SGCZ: variants seen among roughly 807,000 people sequenced by gnomAD.
The protein encoded by SGCZ is sarcoglycan zeta.
A neutral mutation model predicts 41.3 loss-of-function variants in SGCZ; 40 were observed. The observed-to-expected ratio is 0.97, with a 90% CI of 0.75 to 1.26. The LOEUF (loss-of-function observed/expected upper bound fraction) is 1.26. Ranked by LOEUF, SGCZ falls within the 50% of genes most tolerant of loss-of-function variation. The pLI is 0.00. For missense variants in SGCZ, 552 were observed against 369.8 expected, an observed-to-expected ratio of 1.49 and a Z score of -4.04; for synonymous variants, 206 against 137.5, an observed-to-expected ratio of 1.50 and a Z score of -3.49.
chr8:15,044,298 T>G (rs1804221430), intron 1 of SGCZ, among the ~76,000 whole-genome samples: 1 of 152,126 alleles, frequency 6.6e-6, no homozygotes, highest in South Asian at 2.1e-4. Flanking sequence ...TCAACCCTTC[T>G]TTTTCTGCCC....
intron 1 of SGCZ, among the ~76,000 whole-genome samples, chr8:14,954,068 T>G (rs1800724065): frequency 6.6e-6 from 1 of 152,234 alleles, no homozygotes; most frequent in Non-Finnish European, 1.5e-5. Flanking sequence ...AGTATGCTCT[T>G]GAAATGCTAC....
intron 3 of SGCZ, among the ~76,000 whole-genome samples, chr8:14,273,340 G>A (rs906660019): frequency 6.6e-6 from 1 of 152,016 alleles, no homozygotes; most frequent in Admixed American, 6.6e-5. Context: ...TTATCATCCA[G>A]CAAAATGTGT....
At chr8:14,755,758 T>A (rs1362648516) in intron 1 of SGCZ, among the ~76,000 whole-genome samples, 1 of 152,106 alleles carries the variant, frequency 6.6e-6, no homozygotes, top group African/African-American at 2.4e-5. Context: ...ATAACTGTGA[T>A]GAATGCTTTA....
At chr8:14,851,850 T>C (rs1490608761) in intron 1 of SGCZ, among the ~76,000 whole-genome samples, 1 of 152,128 alleles carries the variant, frequency 6.6e-6, no homozygotes, top group African/African-American at 2.4e-5. Context: ...TTTCATGACT[T>C]TTCCTCCGAG....
intron 1 of SGCZ, among the ~76,000 whole-genome samples, chr8:15,014,694 A>C (rs1274718441): frequency 6.6e-6 from 1 of 152,198 alleles, no homozygotes. Context: ...CCTTCAGTGC[A>C]CACTAATCAC....
At chr8:15,036,415 T>C (rs924435166) in intron 1 of SGCZ, among the ~76,000 whole-genome samples, 8 of 151,102 alleles carry the variant, frequency 5.3e-5, no homozygotes, top group Non-Finnish European at 8.9e-5. Context: ...GGGTATAGAG[T>C]TGGAGGAGGG....
chr8:14,283,206 A>T (rs143626537), intron 3 of SGCZ, among the ~76,000 whole-genome samples: 53 of 152,222 alleles, frequency 3.5e-4, no homozygotes, highest in African/African-American at 1.2e-3. Context: ...AAAAAATACC[A>T]ATCTTAAATG....
intron 1 of SGCZ, among the ~76,000 whole-genome samples, chr8:14,968,983 G>A (rs1801207439): frequency 6.6e-6 from 1 of 151,986 alleles, no homozygotes; most frequent in Non-Finnish European, 1.5e-5. Flanking sequence ...TCTTTACATA[G>A]TCAGTATCAG....
chr8:15,012,784 T>C (rs544466181), intron 1 of SGCZ, among the ~76,000 whole-genome samples: 3 of 149,272 alleles, frequency 2.0e-5, no homozygotes, highest in African/African-American at 2.4e-5. Context: ...TATATATTTA[T>C]TTATGTGTGT....
chr8:14,250,378 C>T (rs114809720), intron 3 of SGCZ, among the ~76,000 whole-genome samples: 3 of 152,000 alleles, frequency 2.0e-5, no homozygotes, highest in African/African-American at 4.8e-5. Flanking sequence ...AAAAATGTGT[C>T]GAAATTTTTT....
At chr8:14,373,870 C>A (rs980259563) in intron 2 of SGCZ, among the ~76,000 whole-genome samples, 6 of 152,118 alleles carry the variant, frequency 3.9e-5, no homozygotes, top group Non-Finnish European at 7.3e-5. Flanking sequence ...GAAATAGCCA[C>A]ACCTGGACTT....
At chr8:14,290,534 T>A (rs193100872) in intron 3 of SGCZ, among the ~76,000 whole-genome samples, 148 of 152,038 alleles carry the variant, frequency 9.7e-4, no homozygotes, top group African/African-American at 3.3e-3. Context: ...AAAACCTGAA[T>A]AGACATTTCT....
intron 1 of SGCZ, among the ~76,000 whole-genome samples, chr8:14,614,974 G>A (rs963188214): frequency 3.4e-5 from 5 of 146,044 alleles, no homozygotes; most frequent in Non-Finnish European, 7.5e-5. Context: ...ATATACACAT[G>A]TACACACATA....
intron 1 of SGCZ, among the ~76,000 whole-genome samples, chr8:14,605,474 C>T (rs893584846): frequency 1.3e-5 from 2 of 152,062 alleles, no homozygotes; most frequent in Admixed American, 1.3e-4. Flanking sequence ...TATAGCCACC[C>T]TGTTATGCTA....
intron 1 of SGCZ, among the ~76,000 whole-genome samples, chr8:15,023,030 T>A (rs1432915642): frequency 6.6e-6 from 1 of 152,174 alleles, no homozygotes; most frequent in African/African-American, 2.4e-5. Context: ...TTCATCCTTT[T>A]GTCTGATTAG....
chr8:14,616,486 A>C (rs1806111022), intron 1 of SGCZ, among the ~76,000 whole-genome samples: 1 of 152,124 alleles, frequency 6.6e-6, no homozygotes, highest in African/African-American at 2.4e-5. Context: ...TTATTTTTTA[A>C]CCTAAAAAAC....
chr8:14,235,742 T>C (rs1010625919), intron 4 of SGCZ, among the ~76,000 whole-genome samples: 2 of 152,186 alleles, frequency 1.3e-5, no homozygotes, highest in African/African-American at 2.4e-5. Context: ...TGGAGTGCAG[T>C]GGCCCAATCT....
intron 1 of SGCZ, among the ~76,000 whole-genome samples, chr8:14,909,221 T>A (rs563207660): frequency 3.2e-4 from 48 of 152,326 alleles, no homozygotes; most frequent in Non-Finnish European, 4.4e-4. Flanking sequence ...GGAGGCTTGT[T>A]ACATGCATTC....
At chr8:15,194,396 T>G (rs1585660889) in intron 1 of SGCZ, among the ~76,000 whole-genome samples, 1 of 152,282 alleles carries the variant, frequency 6.6e-6, no homozygotes, top group East Asian at 1.9e-4. Context: ...ATAACTTGTG[T>G]GGTAGGTACA....
Sources: gnomAD v4.1 joint callset for allele counts (sites outside exome capture counted in the v4.1 genomes callset) on GRCh38, gnomAD v4.1.1 for gene constraint, MANE v1.5 for transcripts, NCBI Gene and HGNC (gene_info 2026-07-23, HGNC 2026-07-21) for gene names.